The following CEP112 variants were observed in gnomAD, a reference collection of about 807,000 sequenced individuals.
The protein encoded by CEP112 is centrosomal protein of 112 kDa.
A neutral mutation model predicts 153.0 loss-of-function variants in CEP112; 127 were observed. The observed-to-expected ratio is 0.83, with a 90% confidence interval of 0.72 to 0.96. CEP112 has a LOEUF of 0.96. Ranked by LOEUF, CEP112 falls within the 40% of genes least tolerant of loss-of-function variation. The pLI, the probability that CEP112 is intolerant of heterozygous loss-of-function variation, is 0.00. For synonymous variants in CEP112, 358 were observed against 374.4 expected, an observed-to-expected ratio of 0.96 and a Z score of 0.51; for missense variants, 1,089 against 1,101.2, an observed-to-expected ratio of 0.99 and a Z score of 0.16.
intron 8 of CEP112, among the ~76,000 whole-genome samples, chr17:66,074,013 T>C (rs530878669): frequency 6.6e-6 from 1 of 152,178 alleles, no homozygotes; most frequent in African/African-American, 2.4e-5. Flanking sequence ...ATGACTCTAC[T>C]TCAGCACACC....
intron 18 of CEP112, among the ~76,000 whole-genome samples, chr17:65,940,049 A>T (rs1265289321): frequency 6.6e-6 from 1 of 152,200 alleles, no homozygotes; most frequent in Non-Finnish European, 1.5e-5. Context: ...TAGCAAGAAA[A>T]ATAAACTGAT....
chr17:65,903,114 C>G (rs994979340), intron 19 of CEP112: 2 of 152,268 alleles, frequency 1.3e-5, no homozygotes, highest in African/African-American at 4.8e-5. Context: ...CTATAGCCAG[C>G]CAGGCTGTCT....
intron 12 of CEP112, among the ~76,000 whole-genome samples, chr17:66,038,912 CAGGTT>C (rs1407832543): frequency 1.3e-5 from 2 of 152,028 alleles, no homozygotes; most frequent in Non-Finnish European, 2.9e-5. Context: ...GAGTAATTGG[CAGGTT>C]ACTGGAAGAG....
chr17:65,923,848 C>A (rs1268542811), intron 19 of CEP112, among the ~76,000 whole-genome samples: 1 of 152,124 alleles, frequency 6.6e-6, no homozygotes, highest in East Asian at 1.9e-4. Context: ...TCATAATATA[C>A]AAAGTGTTCT....
intron 17 of CEP112, among the ~76,000 whole-genome samples, chr17:66,002,367 G>A (rs917274902): frequency 2.0e-5 from 3 of 152,042 alleles, no homozygotes; most frequent in Non-Finnish European, 4.4e-5. Flanking sequence ...CTACATGGTC[G>A]CAAAATTCTA....
chr17:66,120,961 T>C (rs921712453), intron 6 of CEP112, among the ~76,000 whole-genome samples: 10 of 152,202 alleles, frequency 6.6e-5, no homozygotes, highest in Non-Finnish European at 1.0e-4. Flanking sequence ...AGAACTTTCT[T>C]TTCTCTCTTG....
chr17:65,949,909 A>C (rs2061765360), intron 18 of CEP112, among the ~76,000 whole-genome samples: 1 of 152,126 alleles, frequency 6.6e-6, no homozygotes, highest in African/African-American at 2.4e-5. Context: ...TTTTAACTTA[A>C]AAAAATTAAT....
chr17:65,863,656 G>A (rs1175590653), intron 20 of CEP112, among the ~76,000 whole-genome samples: 1 of 150,120 alleles, frequency 6.7e-6, no homozygotes, highest in Non-Finnish European at 1.5e-5. Flanking sequence ...CTACTCGGGA[G>A]ACCGAGGCAG....
intron 21 of CEP112, among the ~76,000 whole-genome samples, chr17:65,777,714 A>T (rs1253034829): frequency 6.6e-6 from 1 of 152,202 alleles, no homozygotes; most frequent in Non-Finnish European, 1.5e-5. Flanking sequence ...AGTTTTATTC[A>T]AACCTTTTAT....
chr17:65,810,166 A>G (rs1262012045), intron 21 of CEP112, among the ~76,000 whole-genome samples: 1 of 152,228 alleles, frequency 6.6e-6, no homozygotes, highest in Admixed American at 6.5e-5. Flanking sequence ...AAGTATTAAT[A>G]GAAAGACCTT....
At chr17:65,870,504 T>C (rs1036455959) in intron 20 of CEP112, among the ~76,000 whole-genome samples, 3 of 152,220 alleles carry the variant, frequency 2.0e-5, no homozygotes, top group African/African-American at 7.2e-5. Flanking sequence ...TTAAAGGTAA[T>C]AGAAGTACTA....
intron 4 of CEP112, among the ~76,000 whole-genome samples, chr17:66,170,395 C>A (rs921614333): frequency 6.6e-6 from 1 of 152,146 alleles, no homozygotes; most frequent in Non-Finnish European, 1.5e-5. Context: ...AGATCTAAGT[C>A]TATGGTCTCC....
chr17:66,129,215 A>C, intron 6 of CEP112, among the ~76,000 whole-genome samples: 1 of 152,154 alleles, frequency 6.6e-6, no homozygotes, highest in East Asian at 1.9e-4. Flanking sequence ...CATAAATTCC[A>C]AACACCCAAT....
intron 20 of CEP112, 90 bp from the exon 21 acceptor site, chr17:65,852,124 TATG>T: frequency 1.3e-6 from 1 of 776,970 alleles, no homozygotes; most frequent in Non-Finnish European, 2.1e-6. Context: ...ATAAATGAAA[TATG>T]AACATATGGA....
intron 20 of CEP112, among the ~76,000 whole-genome samples, chr17:65,854,326 TTTTTAA>T (rs1347725018): frequency 6.6e-6 from 1 of 152,224 alleles, no homozygotes; most frequent in Non-Finnish European, 1.5e-5. Flanking sequence ...ATTCATCCAA[TTTTTAA>T]TTTTAACAAT....
At chr17:66,168,964 G>A (rs2072120003) in intron 4 of CEP112, among the ~76,000 whole-genome samples, 1 of 152,010 alleles carries the variant, frequency 6.6e-6, no homozygotes. Flanking sequence ...CCTCCTCTTG[G>A]AAACTGTGAG....
chr17:65,942,201 C>T (rs1363425488), intron 18 of CEP112, among the ~76,000 whole-genome samples: 3 of 151,980 alleles, frequency 2.0e-5, no homozygotes, highest in African/African-American at 4.8e-5. Flanking sequence ...CTCACAGGAG[C>T]GTGAACCCTA....
chr17:65,837,182 G>A (rs1187199122), intron 21 of CEP112, among the ~76,000 whole-genome samples: 5 of 152,156 alleles, frequency 3.3e-5, no homozygotes, highest in African/African-American at 7.2e-5. Flanking sequence ...GCCTGCCTTG[G>A]CCTCCCAAAG....
chr17:66,012,555 C>T (rs2145528239), intron 16 of CEP112, among the ~76,000 whole-genome samples: 1 of 152,204 alleles, frequency 6.6e-6, no homozygotes, highest in Admixed American at 6.5e-5. Flanking sequence ...GAATATAGGC[C>T]CCCAATGTCT....
Sources: allele counts gnomAD v4.1 joint callset (sites outside exome capture counted in the v4.1 genomes callset), GRCh38; gene constraint gnomAD v4.1.1; transcripts MANE v1.5; gene names NCBI Gene and HGNC (gene_info 2026-07-23, HGNC 2026-07-21).